LARGE1: variants seen among roughly 807,000 people sequenced by gnomAD.
The protein encoded by LARGE1 is xylosyl- and glucuronyltransferase LARGE1.
LARGE1 carries 43 observed loss-of-function variants against 87.6 expected under a neutral mutation model. That is an observed-to-expected ratio of 0.49 (90% CI 0.38 to 0.63). The LOEUF is 0.63. Among genes scored for constraint, LARGE1 ranks in the 30% least tolerant of loss-of-function variants. The pLI is 0.00. For missense variants in LARGE1, 802 were observed against 1,000.2 expected, an observed-to-expected ratio of 0.80 and a Z score of 2.67; for synonymous variants, 434 against 394.6, an observed-to-expected ratio of 1.10 and a Z score of -1.18.
At chr22:33,299,429 CAT>C (rs1933842297) in intron 12 of LARGE1, among the ~76,000 whole-genome samples, 2 of 152,124 alleles carry the variant, frequency 1.3e-5, no homozygotes, top group Admixed American at 6.5e-5. Context: ...CTGCCTGACA[CAT>C]AGTACATGCT....
chr22:33,820,876 C>G (rs972187383), intron 1 of LARGE1, among the ~76,000 whole-genome samples: 3 of 152,100 alleles, frequency 2.0e-5, no homozygotes, highest in African/African-American at 7.2e-5. Context: ...TCCAGAGGCT[C>G]CTCCTGGGCT....
At chr22:33,088,445 A>G in the LARGE1 span, among the ~76,000 whole-genome samples, 9 of 152,224 alleles carry the variant, frequency 5.9e-5, no homozygotes, top group Non-Finnish European at 8.8e-5. Context: ...CATAGGTTTT[A>G]AAACACAGTC....
chr22:33,617,714 C>T (rs1602739313), intron 4 of LARGE1, among the ~76,000 whole-genome samples: 2 of 152,274 alleles, frequency 1.3e-5, no homozygotes, highest in South Asian at 4.1e-4. Flanking sequence ...TTGCTGCAGA[C>T]ATCAAGTGTG....
At chr22:33,829,004 T>C (rs1428332308) in intron 1 of LARGE1, among the ~76,000 whole-genome samples, 1 of 115,080 alleles carries the variant, frequency 8.7e-6, no homozygotes, top group Admixed American at 1.1e-4. Context: ...AAGTCTCTTT[T>C]TCTTTTTTTT....
intron 6 of LARGE1, among the ~76,000 whole-genome samples, chr22:33,489,200 A>G (rs2069715839): frequency 6.6e-6 from 1 of 152,238 alleles, no homozygotes; most frequent in Non-Finnish European, 1.5e-5. Context: ...AAAAGTAAAT[A>G]TTTAAGATAC....
chr22:33,258,939 A>G (rs1354286041), intron 11 of LARGE1, among the ~76,000 whole-genome samples: 1 of 150,338 alleles, frequency 6.7e-6, no homozygotes, highest in Non-Finnish European at 1.5e-5. Flanking sequence ...GTACAGTGGC[A>G]CGATCTTGGC....
chr22:33,896,796 T>C (rs1364710229), intron 1 of LARGE1, among the ~76,000 whole-genome samples: 1 of 152,168 alleles, frequency 6.6e-6, no homozygotes, highest in Non-Finnish European at 1.5e-5. Context: ...ATTTGAGTTT[T>C]CCGTAATTAG....
intron 5 of LARGE1, among the ~76,000 whole-genome samples, chr22:33,565,666 C>T (rs1156255495): frequency 6.6e-6 from 1 of 151,034 alleles, no homozygotes; most frequent in Non-Finnish European, 1.5e-5. Context: ...TCTTCACCTC[C>T]TAGTCAAGGA....
intron 11 of LARGE1, among the ~76,000 whole-genome samples, chr22:33,238,996 GA>G (rs1443793677): frequency 4.0e-5 from 6 of 148,522 alleles, no homozygotes; most frequent in East Asian, 2.0e-4. Context: ...TAATAAAATA[GA>G]AAAAAAATAA....
chr22:33,611,412 G>T (rs969121521), intron 4 of LARGE1, among the ~76,000 whole-genome samples: 7 of 152,232 alleles, frequency 4.6e-5, no homozygotes, highest in Non-Finnish European at 8.8e-5. Flanking sequence ...AATTATTTTG[G>T]AGCTTTAAGA....
chr22:33,198,505 T>A (rs1211097125), intron 11 of LARGE1, among the ~76,000 whole-genome samples: 1 of 152,078 alleles, frequency 6.6e-6, no homozygotes, highest in East Asian at 1.9e-4. Flanking sequence ...TCTGGGCTGT[T>A]AGTGATTCAC....
intron 1 of LARGE1, among the ~76,000 whole-genome samples, chr22:33,880,057 C>G (rs1462864562): frequency 6.6e-6 from 1 of 152,228 alleles, no homozygotes; most frequent in Non-Finnish European, 1.5e-5. Context: ...CTGCTTTCAA[C>G]TGTAGCTTGG....
At chr22:33,111,574 C>T in the LARGE1 span, among the ~76,000 whole-genome samples, 3 of 152,080 alleles carry the variant, frequency 2.0e-5, no homozygotes, top group Admixed American at 6.6e-5. Flanking sequence ...CTGACAATTC[C>T]CCCCGTCCAG....
At position 33,519,491 on chromosome 22, in the gene LARGE1, A is replaced by T. The variant is rs547377331; in HGVS notation, c.787+45357T>A. On this transcript the variant is annotated intron_variant, in intron 6 of 14. Coordinates refer to ENST00000397394, the MANE Select transcript of LARGE1 (RefSeq NM_133642.5). ...AACGCATCTCAGGCCACAGGTCCCC[A>T]TAAAATAAAGTACCAGCCCCTGCAC... Among the ~76,000 whole-genome samples, 16 of 152,286 alleles carry T rather than the reference A, an allele frequency of 1.1e-4. No homozygotes were observed. In the South Asian group the frequency reaches 3.3e-3, roughly 32 times the overall value.
chr22:33,441,241 T>C (rs1391724664), intron 6 of LARGE1, among the ~76,000 whole-genome samples: 1 of 151,698 alleles, frequency 6.6e-6, no homozygotes, highest in Non-Finnish European at 1.5e-5. Context: ...GCCCAGCTAA[T>C]TTTTGTATTT....
intron 11 of LARGE1, among the ~76,000 whole-genome samples, chr22:33,222,117 T>C (rs1199227680): frequency 6.6e-6 from 1 of 152,160 alleles, no homozygotes; most frequent in Non-Finnish European, 1.5e-5. Context: ...AGCATGTGGG[T>C]TGGGTGACAA....
intron 12 of LARGE1, among the ~76,000 whole-genome samples, chr22:33,284,774 C>T (rs779112805): frequency 2.0e-5 from 3 of 152,166 alleles, no homozygotes; most frequent in Non-Finnish European, 4.4e-5. Context: ...GACTGGGTTT[C>T]ACCGTGTTGG....
intron 11 of LARGE1, among the ~76,000 whole-genome samples, chr22:33,202,308 C>T (rs1006292440): frequency 2.6e-5 from 4 of 152,116 alleles, no homozygotes; most frequent in Admixed American, 6.5e-5. Flanking sequence ...AGAGTCTGTG[C>T]CACATTCAGC....
intron 3 of LARGE1, among the ~76,000 whole-genome samples, chr22:33,631,987 A>G (rs2080125145): frequency 1.3e-5 from 2 of 152,196 alleles, no homozygotes; most frequent in South Asian, 4.1e-4. Context: ...TCATTATGTA[A>G]CACATGACTG....
Sources: gnomAD v4.1 joint callset for allele counts (sites outside exome capture counted in the v4.1 genomes callset) on GRCh38, gnomAD v4.1.1 for gene constraint, MANE v1.5 for transcripts, NCBI Gene and HGNC (gene_info 2026-07-23, HGNC 2026-07-21) for gene names.